The following LY86 variants were observed in gnomAD, a reference collection of about 807,000 sequenced individuals.
LY86 encodes the protein lymphocyte antigen 86.
Under a neutral mutation model 17.3 loss-of-function variants are expected in LY86, and 20 were observed. That is an observed-to-expected ratio of 1.15 (90% confidence interval 0.81 to 1.68). LY86 has a LOEUF of 1.68. Among genes scored for constraint, LY86 ranks in the 40% most tolerant of loss-of-function variants. LY86 has a pLI of 0.00. For missense variants in LY86, 200 were observed against 191.9 expected (o/e 1.04, Z -0.25); for synonymous variants, 74 against 70.6 (o/e 1.05, Z -0.24).
At chr6:6,632,476 G>A (rs1270111428) in intron 3 of LY86, among the ~76,000 whole-genome samples, 16 of 152,138 alleles carry the variant, frequency 1.1e-4, no homozygotes, top group Non-Finnish European at 8.8e-5. Flanking sequence ...TCCCCTACCC[G>A]AGGGACCTTG....
chr6:6,604,469 A>G (rs375091369), intron 1 of LY86, among the ~76,000 whole-genome samples: 4 of 152,232 alleles, frequency 2.6e-5, no homozygotes, highest in Non-Finnish European at 5.9e-5. Context: ...ATGTTAAAAC[A>G]TTGTTTTTAA....
At chr6:6,613,374 G>A (rs540743426) in intron 1 of LY86, among the ~76,000 whole-genome samples, 21 of 152,262 alleles carry the variant, frequency 1.4e-4, no homozygotes, top group African/African-American at 5.1e-4. Flanking sequence ...GCTCACAGCG[G>A]GGGAGTGGGG....
chr6:6,605,688 A>T (rs562837888), intron 1 of LY86, among the ~76,000 whole-genome samples: 1 of 152,228 alleles, frequency 6.6e-6, no homozygotes, highest in African/African-American at 2.4e-5. Flanking sequence ...CATCTCACGG[A>T]CTTAAAGAAT....
At chr6:6,652,496 C>A (rs1762202504) in intron 4 of LY86, among the ~76,000 whole-genome samples, 1 of 152,182 alleles carries the variant, frequency 6.6e-6, no homozygotes, top group African/African-American at 2.4e-5. Context: ...CTGAACTCAT[C>A]CAACCCCTTG....
chr6:6,633,808 TCA>T (rs1264725954), intron 3 of LY86, among the ~76,000 whole-genome samples: 1 of 152,234 alleles, frequency 6.6e-6, no homozygotes, highest in Non-Finnish European at 1.5e-5. Context: ...GTGTATTGAT[TCA>T]CAGACTGACT....
At chr6:6,637,377 T>C (rs1240211558) in intron 3 of LY86, among the ~76,000 whole-genome samples, 1 of 152,148 alleles carries the variant, frequency 6.6e-6, no homozygotes, top group African/African-American at 2.4e-5. Flanking sequence ...TGCAAGCATG[T>C]TTGTAAATGA....
In LY86 at chr6:6,630,653, T is replaced by C. The variant is rs568189086; in HGVS notation, c.352+4232T>C. 3.3e-5 allele frequency among the ~76,000 whole-genome samples: 5 copies of C among 152,334 alleles called. No individual in the cohort carries two copies. The East Asian group carries it at 5.8e-4, about 18-fold the overall frequency. On this transcript the variant is annotated intron_variant, in intron 3 of 4. Transcript: ENST00000230568. ...CAATCCTCAAGAACAACAATGCCGA[T>C]AGAACCCCTGTGTGATCCGGGAGCT...
At chr6:6,599,841 C>A (rs1164188354) in intron 1 of LY86, among the ~76,000 whole-genome samples, 2 of 119,378 alleles carry the variant, frequency 1.7e-5, no homozygotes, top group African/African-American at 5.6e-5. Context: ...CAGCAGAGCC[C>A]GACAGCACCC....
chr6:6,620,508 C>T (rs989311188), intron 1 of LY86, among the ~76,000 whole-genome samples: 3 of 152,158 alleles, frequency 2.0e-5, no homozygotes, highest in East Asian at 1.9e-4. Context: ...CCAAGCTTTC[C>T]GGCTGCCTGA....
intron 2 of LY86, 138 bp downstream of exon 2, chr6:6,625,150 A>G (rs1761763615): frequency 3.9e-6 from 2 of 517,264 alleles, no homozygotes; most frequent in Admixed American, 4.1e-5. Flanking sequence ...AACTCTATTT[A>G]TATCTTCATT....
In LY86 at chr6:6,649,632, T is replaced by G. The variant is rs745918135; in HGVS notation, c.360T>G (p.Ile120Met). The G allele has an allele frequency of 1.3e-6, 2 of 1,565,966 alleles. No individual in the cohort carries two copies. Among genetic ancestry groups the G allele is most frequent in the South Asian group, 2.3e-5 (2 of 87,650 alleles). Residue 120 changes from isoleucine to methionine, a missense_variant, in exon 4 of 5, where the codon ATT (isoleucine) becomes ATG (methionine). By Grantham distance (10) the Ile-to-Met change is conservative. Coordinates refer to ENST00000230568, the MANE Select transcript of LY86 (RefSeq NM_004271.4). The part of the protein sequence containing the change: ...SFCGRRKGEQ[I>M]YYAGPVNNPE... The stretch of plus-strand genomic sequence containing the variant: ...CTTTATATATTTTTTCAGAGCAGAT[T>G]TACTATGCTGGGCCTGTCAATAATC...
chr6:6,611,681 G>A (rs1012245626), intron 1 of LY86, among the ~76,000 whole-genome samples: 1 of 152,212 alleles, frequency 6.6e-6, no homozygotes, highest in African/African-American at 2.4e-5. Context: ...TGGCTACGCT[G>A]CGCGCCGGTC....
chr6:6,617,193 G>T (rs1761574439), intron 1 of LY86, among the ~76,000 whole-genome samples: 1 of 152,190 alleles, frequency 6.6e-6, no homozygotes, highest in African/African-American at 2.4e-5. Flanking sequence ...CTAGTAATCT[G>T]GTCGCTACTT....
intron 1 of LY86, among the ~76,000 whole-genome samples, chr6:6,603,632 AACAC>A (rs540840468): frequency 1.3e-3 from 171 of 135,870 alleles, no homozygotes; most frequent in African/African-American, 4.3e-3. Flanking sequence ...AAAAAAACAA[AACAC>A]ACACACACAC....
At chr6:6,649,267 C>CA (rs1762151905) in intron 3 of LY86, among the ~76,000 whole-genome samples, 1 of 152,226 alleles carries the variant, frequency 6.6e-6, no homozygotes, top group Non-Finnish European at 1.5e-5. Flanking sequence ...AGTTACCTCC[C>CA]ACTGGGTCCC....
At chr6:6,595,121 A>T (rs1760656448) in intron 1 of LY86, among the ~76,000 whole-genome samples, 1 of 150,284 alleles carries the variant, frequency 6.7e-6, no homozygotes, top group Non-Finnish European at 1.5e-5. Context: ...TCAGGAAGAG[A>T]GGGAGGTGGT....
At chr6:6,645,751 C>T (rs34929696) in intron 3 of LY86, among the ~76,000 whole-genome samples, 9,272 of 151,640 alleles carry the variant, frequency 0.061, 397 homozygotes, top group Non-Finnish European at 0.092. Context: ...CAGGAGTGCT[C>T]TTGGCTTGTT....
intron 3 of LY86, among the ~76,000 whole-genome samples, chr6:6,643,669 CAT>C: frequency 6.6e-6 from 1 of 152,192 alleles, no homozygotes; most frequent in South Asian, 2.1e-4. Context: ...CACAAACACA[CAT>C]GCACGCACAC....
In LY86 at chr6:6,588,861, C is replaced by T; in HGVS notation, c.127C>T (p.Gln43Ter). The T allele has an allele frequency of 1.2e-6, 2 of 1,613,978 alleles. No individual in the cohort carries two copies. The highest frequency in any genetic ancestry group is 1.7e-6 in the Non-Finnish European group (2 of 1,179,898). The change falls in exon 1 of 5, where the codon CAG becomes TAG. Residue 43 changes from glutamine to a stop codon, truncating the protein, a stop_gained. Coordinates refer to ENST00000230568, the MANE Select transcript of LY86 (RefSeq NM_004271.4). LOFTEE classifies it high-confidence loss of function. ...CSDSGLEVLY[Q>*]SCDPLQDFGF... is the part of the protein sequence containing the mutation. ...CGACAGCGGCTTGGAAGTGCTCTACCAGAGTTGCGGTAAGCCCTTGCAGTA... is the reference window on the plus strand; with the variant it reads ...CGACAGCGGCTTGGAAGTGCTCTACTAGAGTTGCGGTAAGCCCTTGCAGTA...
Sources: allele counts gnomAD v4.1 joint callset (sites outside exome capture counted in the v4.1 genomes callset), GRCh38; gene constraint gnomAD v4.1.1; transcripts MANE v1.5; gene names NCBI Gene and HGNC (gene_info 2026-07-23, HGNC 2026-07-21).